Variants in PCTP observed in about 807,000 individuals in gnomAD.
The protein encoded by PCTP is phosphatidylcholine transfer protein.
Under a neutral mutation model 31.0 loss-of-function variants are expected in PCTP, and 27 were observed. The ratio of observed to expected loss-of-function variants is 0.87; its 90% CI spans 0.64 to 1.20. PCTP has a LOEUF of 1.20. PCTP is among the 50% of genes most tolerant of loss of function. PCTP has a pLI of 0.00. For missense variants in PCTP, 287 were observed against 268.2 expected (o/e 1.07, Z -0.49); for synonymous variants, 108 against 101.2 (o/e 1.07, Z -0.40).
downstream of PCTP, among the ~76,000 whole-genome samples, chr17:55,845,085 C>CAAAAAAAAAAAAAAAAAAA (rs891404386): frequency 9.2e-5 from 3 of 32,526 alleles, no homozygotes; most frequent in African/African-American, 1.0e-4. Context: ...AAAACTCCAT[C>CAAAAAAAAAAAAAAAAAAA]AAAAAAAAAA....
At chr17:55,787,862 C>T (rs1203496880) in intron 3 of PCTP, among the ~76,000 whole-genome samples, 6 of 152,136 alleles carry the variant, frequency 3.9e-5, no homozygotes, top group Non-Finnish European at 7.3e-5. Context: ...AATTTTCTGA[C>T]CCCTTATCCC....
At position 55,776,185 on chromosome 17, in the gene PCTP, G is replaced by A; in HGVS notation, c.*85G>A. 6.4e-7 allele frequency: 1 copy of A among 1,563,356 alleles called. No homozygotes were observed. The highest frequency in any genetic ancestry group is 8.7e-7 in the Non-Finnish European group (1 of 1,154,902). ...ATGTCTCTGGAAGTGCCACCTGGAAGTGCCACCTGGAAGTGTCTCTGGAAG... is the reference window on the plus strand; with the variant it reads ...ATGTCTCTGGAAGTGCCACCTGGAAATGCCACCTGGAAGTGTCTCTGGAAG... On this transcript the variant is annotated 3_prime_UTR_variant, in exon 6 of 6. Coordinates refer to ENST00000268896, the MANE Select transcript of PCTP (RefSeq NM_021213.4).
chr17:55,826,291 A>G (rs1160832635), downstream of PCTP, among the ~76,000 whole-genome samples: 5 of 152,218 alleles, frequency 3.3e-5, no homozygotes, highest in Non-Finnish European at 7.3e-5. Context: ...GGGAAGGTAC[A>G]GAAGTACTTG....
intron 3 of PCTP, among the ~76,000 whole-genome samples, chr17:55,773,354 A>G (rs1408276059): frequency 6.6e-6 from 1 of 152,194 alleles, no homozygotes; most frequent in African/African-American, 2.4e-5. Flanking sequence ...CCTTTCCTAC[A>G]TAGGGAATCT....
In PCTP at chr17:55,773,935, T is replaced by A; in HGVS notation, c.511+40T>A. On this transcript the variant is annotated intron_variant, in intron 4 of 5. Transcript: ENST00000268896. ...GCCTGTCAGTGCACCCAGCCAGGGG[T>A]CCCCCACGGGAGGGCCAGGCTGATG... 3.9e-6 allele frequency: 6 copies of A among 1,543,384 alleles called. No homozygotes were observed. The South Asian group carries it at 4.7e-5, about 12-fold the overall frequency.
At chr17:55,788,003 A>T (rs1327351720) in intron 3 of PCTP, among the ~76,000 whole-genome samples, 3 of 151,946 alleles carry the variant, frequency 2.0e-5, no homozygotes, top group Non-Finnish European at 4.4e-5. Flanking sequence ...CTCTCTCTCT[A>T]TTTTTCTATC....
intron 1 of PCTP, among the ~76,000 whole-genome samples, chr17:55,766,880 A>G (rs975750047): frequency 1.3e-5 from 2 of 152,102 alleles, no homozygotes; most frequent in African/African-American, 4.8e-5. Context: ...TCCCACCAAC[A>G]GTGTAAAAGT....
chr17:55,752,372 C>A (rs1231436662), intron 1 of PCTP, among the ~76,000 whole-genome samples: 1 of 152,148 alleles, frequency 6.6e-6, no homozygotes, highest in Non-Finnish European at 1.5e-5. Flanking sequence ...GGGTTCAAAT[C>A]CAATCTGTCA....
chr17:55,822,796 G>T, exon 4 of PCTP: 1 of 1,220,396 alleles, frequency 8.2e-7, no homozygotes, highest in South Asian at 4.1e-5. Flanking sequence ...CTCAGAATCA[G>T]AGAGACCTCA....
At chr17:55,851,469 A>G in the PCTP span, among the ~76,000 whole-genome samples, 1 of 152,198 alleles carries the variant, frequency 6.6e-6, no homozygotes, top group Non-Finnish European at 1.5e-5. Flanking sequence ...CTGGAGGCCA[A>G]CCACACTGCA....
chr17:55,772,194 C>T (rs1392578477), intron 3 of PCTP, among the ~76,000 whole-genome samples: 1 of 152,188 alleles, frequency 6.6e-6, no homozygotes, highest in East Asian at 1.9e-4. Context: ...ATCAACATCT[C>T]TTTCCTGAAA....
At chr17:55,822,629 CA>C in intron 3 of PCTP, 1 of 407,022 alleles carries the variant, frequency 2.5e-6, no homozygotes, top group Non-Finnish European at 4.2e-6. Flanking sequence ...CCTCGTGATC[CA>C]GAGGCTAGAA....
At chr17:55,760,937 G>T (rs953168415) in intron 1 of PCTP, among the ~76,000 whole-genome samples, 4 of 152,142 alleles carry the variant, frequency 2.6e-5, no homozygotes, top group African/African-American at 9.7e-5. Flanking sequence ...ACCCCTTCCT[G>T]CTCTAAGATC....
chr17:55,825,076 T>C (rs1027839994), downstream of PCTP, among the ~76,000 whole-genome samples: 3 of 152,224 alleles, frequency 2.0e-5, no homozygotes, highest in African/African-American at 7.2e-5. Flanking sequence ...CAAATTTTTT[T>C]AATGTCTTTT....
At chr17:55,847,035 C>A (rs1490484741), downstream of PCTP, among the ~76,000 whole-genome samples, 1 of 152,130 alleles carries the variant, frequency 6.6e-6, no homozygotes, top group Non-Finnish European at 1.5e-5. Context: ...CAGTGATTGC[C>A]ATGTAGTAGC....
In PCTP at chr17:55,751,210, C is replaced by CT; in HGVS notation, c.107_108insT (p.Ser37LeufsTer17). 1 of 1,543,514 alleles carries CT rather than the reference C, an allele frequency of 6.5e-7. No individual in the cohort carries two copies. The highest frequency in any genetic ancestry group is 8.7e-7 in the Non-Finnish European group (1 of 1,143,944). Reference sequence around the variant, plus strand: ...GCCGACTGGCAGCTCCTAGTGGAGACCTCGGGCATCAGCATCTACCGGCTG... The same window carrying CT: ...GCCGACTGGCAGCTCCTAGTGGAGACTCTCGGGCATCAGCATCTACCGGCTG... On this transcript the variant is annotated frameshift_variant, in exon 1 of 6. Transcript: ENST00000268896. LOFTEE classifies it high-confidence loss of function.
chr17:55,825,816 T>C (rs991343406), downstream of PCTP, among the ~76,000 whole-genome samples: 1 of 152,230 alleles, frequency 6.6e-6, no homozygotes. Flanking sequence ...CATCACTTAA[T>C]AGAGCTCCAA....
At chr17:55,803,092 G>A (rs1912444355) in intron 3 of PCTP, among the ~76,000 whole-genome samples, 1 of 152,134 alleles carries the variant, frequency 6.6e-6, no homozygotes, top group Non-Finnish European at 1.5e-5. Flanking sequence ...CAAATCATGA[G>A]TGAATTCCCA....
At chr17:55,811,317 A>G (rs1032600237) in intron 3 of PCTP, among the ~76,000 whole-genome samples, 2 of 152,210 alleles carry the variant, frequency 1.3e-5, no homozygotes, top group Non-Finnish European at 2.9e-5. Flanking sequence ...GCAAACACAT[A>G]TCTAGCACTT....
Sources: gnomAD v4.1 joint callset for allele counts (sites outside exome capture counted in the v4.1 genomes callset) on GRCh38, gnomAD v4.1.1 for gene constraint, MANE v1.5 for transcripts, NCBI Gene and HGNC (gene_info 2026-07-23, HGNC 2026-07-21) for gene names.